LYST: variants seen among roughly 807,000 people sequenced by gnomAD.
LYST encodes lysosomal-trafficking regulator.
LYST carries 192 observed loss-of-function variants against 413.6 expected under a neutral mutation model. The observed-to-expected ratio is 0.46, with a 90% CI of 0.41 to 0.52. The LOEUF is 0.52. LYST is among the 20% of genes least tolerant of loss of function. The pLI is 0.00. For synonymous variants in LYST, 1,525 were observed against 1,567.3 expected, an observed-to-expected ratio of 0.97 and a Z score of 0.64; for missense variants, 3,815 against 4,499.9, an observed-to-expected ratio of 0.85 and a Z score of 4.35.
At chr1:235,677,042 G>T in intron 50 of LYST, 49 bp downstream of exon 50, 2 of 1,345,574 alleles carry the variant, frequency 1.5e-6, no homozygotes, top group Non-Finnish European at 2.1e-6. Context: ...GGCCGAATGC[G>T]CTGTTAGAGC....
chr1:235,769,955 G>T (rs1209592152), intron 20 of LYST, among the ~76,000 whole-genome samples: 1 of 151,678 alleles, frequency 6.6e-6, no homozygotes, highest in Non-Finnish European at 1.5e-5. Flanking sequence ...ATTGAGTTAG[G>T]AATTATGACA....
rs1350572950 is a variant in LYST, at chr1:235,817,730, A to C, written c.193-4669T>G. Among the ~76,000 whole-genome samples, 9 of 152,240 alleles carry C rather than the reference A, an allele frequency of 5.9e-5. No homozygotes were observed. In the East Asian group the frequency reaches 1.5e-3, roughly 26 times the overall value. On this transcript the variant is annotated intron_variant, in intron 3 of 52. Transcript: ENST00000389793. ...CTCTTTCAGGATGGAGGGTGGGAGA[A>C]GGGTGAGGATCAAAAAACTATCGAT... is the stretch of plus-strand genomic sequence containing the variant.
rs543035275 is a variant in LYST at position 235,842,043 on chromosome 1, C to T, written c.-97-8376G>A. Among the ~76,000 whole-genome samples the T allele has an allele frequency of 3.3e-5, 5 of 152,164 alleles. No individual in the cohort carries two copies. In the South Asian group the frequency reaches 8.3e-4, roughly 25 times the overall value. ...TGGATTTTTTCAGCTATTTCAGATT[C>T]ACCAGCAGGATTCAGCTGCTTGGGT... On this transcript the variant is annotated intron_variant, in intron 1 of 52. Coordinates refer to ENST00000389793, the MANE Select transcript of LYST (RefSeq NM_000081.4).
At chr1:235,803,293 G>A (rs1310510656) in intron 7 of LYST, among the ~76,000 whole-genome samples, 1 of 151,898 alleles carries the variant, frequency 6.6e-6, no homozygotes, top group Non-Finnish European at 1.5e-5. Context: ...TAAGTTATAG[G>A]TCATTTCAGT....
rs1292363059 is a variant in LYST at position 235,757,438 on chromosome 1, A to G, written c.6902T>C (p.Val2301Ala). Reference sequence around the variant, plus strand: ...TTCATATAATCCACAGCATATAGGTACCAAACAGTCTTCAGTTACACTAAA... The same window carrying G: ...TTCATATAATCCACAGCATATAGGTGCCAAACAGTCTTCAGTTACACTAAA... The part of the protein sequence containing the change: ...SAHSVTEDCL[V>A]PICCGLYELL... The change falls in exon 24 of 53, where the codon GTA becomes GCA. Residue 2301 changes from valine to alanine, a missense_variant. Physicochemically the swap from Val to Ala is moderately conservative, Grantham distance 64. This residue lies in a region of LYST where 771 missense variants were observed against 837.1 expected (regional missense o/e 0.92). Transcript: ENST00000389793. 66 of 1,613,614 alleles carry G rather than the reference A, an allele frequency of 4.1e-5. No homozygotes were observed. Among genetic ancestry groups the G allele is most frequent in the Non-Finnish European group, 5.5e-5 (65 of 1,179,644 alleles).
intron 43 of LYST, among the ~76,000 whole-genome samples, chr1:235,711,344 T>C (rs978046834): frequency 4.6e-5 from 7 of 152,200 alleles, no homozygotes; most frequent in Non-Finnish European, 8.8e-5. Context: ...CAGGGTGGCA[T>C]GAATCTACTG....
Position 235,796,764 on chromosome 1 carries a change from T to C in LYST, c.4007-3152A>G, listed in dbSNP as rs1572286675. On this transcript the variant is annotated intron_variant, in intron 10 of 52. Transcript: ENST00000389793. ...TTGCCAGATGCTGGCACTTTGATCT[T>C]GGACTTTCAGTCTCCAGAACTGTGA... Among the ~76,000 whole-genome samples, 4 of 152,352 alleles carry C rather than the reference T, an allele frequency of 2.6e-5. No homozygotes were observed. The Middle Eastern group carries it at 0.01, about 389-fold the overall frequency.
intron 14 of LYST, among the ~76,000 whole-genome samples, chr1:235,785,777 C>CT (rs1221805582): frequency 1.3e-5 from 2 of 152,222 alleles, no homozygotes; most frequent in Non-Finnish European, 2.9e-5. Context: ...TTCGAATTCT[C>CT]TATCTTCTTT....
intron 3 of LYST, among the ~76,000 whole-genome samples, chr1:235,818,782 G>A (rs1674440335): frequency 6.6e-6 from 1 of 152,130 alleles, no homozygotes; most frequent in Admixed American, 6.5e-5. Flanking sequence ...CTACGGACAC[G>A]CTGTACTGAT....
In LYST at chr1:235,774,949, G is replaced by C. The variant is rs779239748; in HGVS notation, c.5598C>G (p.Ile1866Met). 98 of 1,609,974 alleles carry C rather than the reference G, an allele frequency of 6.1e-5. No homozygotes were observed. Among genetic ancestry groups the C allele is most frequent in the Admixed American group, 2.8e-4 (17 of 59,840 alleles). The part of the protein sequence containing the change: ...NGLSMIHQVL[I>M]KQKCIVGFYI... ...AAAACCCAACAATGCATTTTTGTTTGATCAACACCTGATGAATCATAGAAA... is the reference window on the plus strand; with the variant it reads ...AAAACCCAACAATGCATTTTTGTTTCATCAACACCTGATGAATCATAGAAA... Residue 1866 changes from isoleucine (I) to methionine (M), a missense_variant, in exon 18 of 53, where the codon ATC becomes ATG. This residue lies in a region of LYST where 530 missense variants were observed against 696.5 expected (regional missense o/e 0.76). Transcript: ENST00000389793.
chr1:235,879,010 T>A (rs1273283789), intron 1 of LYST, among the ~76,000 whole-genome samples: 1 of 152,046 alleles, frequency 6.6e-6, no homozygotes, highest in Non-Finnish European at 1.5e-5. Flanking sequence ...ACCCAACAGG[T>A]AACACATTTT....
Position 235,741,413 on chromosome 1 carries a change from G to A in LYST, c.8358+9C>T. The A allele has an allele frequency of 6.2e-7, 1 of 1,603,972 alleles. No homozygotes were observed. The highest frequency in any genetic ancestry group is 8.5e-7 in the Non-Finnish European group (1 of 1,170,870). On this transcript the variant is annotated intron_variant, in intron 31 of 52. Transcript: ENST00000389793. ...GTTTTACTTCTCTTATCAAAGCTGA[G>A]ATACTTACTTGTAGGGATGGGCTGA...
intron 46 of LYST, among the ~76,000 whole-genome samples, chr1:235,694,635 AT>A (rs751818373): frequency 6.6e-6 from 1 of 152,196 alleles, no homozygotes; most frequent in East Asian, 1.9e-4. Context: ...GCTGAGTAAA[AT>A]AAGAAATGTT....
chr1:235,716,794 A>C lies in LYST; in HGVS notation c.9561-16T>G. 6.9e-7 allele frequency: 1 copy of C among 1,449,236 alleles called. No individual in the cohort carries two copies. 89.8% of individuals were successfully genotyped at this position (1,449,236 alleles called of 1,614,324 possible). A position where few individuals can be genotyped will look rare whatever the true frequency, so the allele number is the denominator to read the frequency against. ...AGAGAGATTTCTGCAAGAAAAGGAC[A>C]ATTTTAAAAATTAAATATTTTGATA... On this transcript the variant is annotated splice_polypyrimidine_tract_variant and intron_variant, in intron 40 of 52. Transcript: ENST00000389793.
intron 28 of LYST, among the ~76,000 whole-genome samples, chr1:235,749,681 C>T (rs9803629): frequency 0.027 from 4,137 of 152,074 alleles, 169 homozygotes; most frequent in African/African-American, 0.094. Flanking sequence ...GTGAAAAAGA[C>T]AAGTCCAAGT....
rs71174456 is a variant in LYST at position 235,730,609 on chromosome 1, GTGTGTA to G, written c.9044+232_9044+237del. ...TGTGTGTGTGTGTGTGTGTGTGTGT[GTGTGTA>G]TATGTAAACTAACAAGGGCCAGAAC... is the stretch of plus-strand genomic sequence containing the variant. On this transcript the variant is annotated intron_variant, in intron 36 of 52. Coordinates refer to ENST00000389793, the MANE Select transcript of LYST (RefSeq NM_000081.4). 0.13 allele frequency among the ~76,000 whole-genome samples: 11,670 copies of G among 92,268 alleles called. 632 individuals are homozygous for G. Among genetic ancestry groups the G allele is most frequent in the Middle Eastern group, 0.21 (37 of 174 alleles). 60.5% of individuals were successfully genotyped at this position (92,268 alleles called of 152,430 possible).
rs557364827 is a variant in LYST, at chr1:235,754,233, T to C, written c.7230-959A>G. ...TATCTTTTTTTCTTTTCTTTTCTTT[T>C]TTTTTTTTTTTTTTTTGAGATGGAG... On this transcript the variant is annotated intron_variant, in intron 25 of 52. Transcript: ENST00000389793. Among the ~76,000 whole-genome samples the C allele has an allele frequency of 6.3e-5, 9 of 142,502 alleles. No individual in the cohort carries two copies. In the South Asian group the frequency reaches 1.4e-3, roughly 22 times the overall value. The allele number at this position is 142,502 out of a possible 152,430, so 93.5% of individuals were successfully genotyped here.
At chr1:235,839,017 G>T (rs1676893196) in intron 1 of LYST, among the ~76,000 whole-genome samples, 1 of 151,834 alleles carries the variant, frequency 6.6e-6, no homozygotes, top group Admixed American at 6.6e-5. Flanking sequence ...TAGAGACAGG[G>T]TCTCACCATG....
chr1:235,670,121 C>G (rs867057467), intron 50 of LYST, among the ~76,000 whole-genome samples: 21 of 152,278 alleles, frequency 1.4e-4, no homozygotes, highest in South Asian at 4.1e-4. Context: ...CATGCCCAGA[C>G]TTGTTCTGTA....
Sources: gnomAD v4.1 joint callset for allele counts (sites outside exome capture counted in the v4.1 genomes callset) on GRCh38, gnomAD v4.1.1 for gene constraint, gnomAD v4.1.1 regional missense constraint, MANE v1.5 for transcripts, NCBI Gene and HGNC (gene_info 2026-07-23, HGNC 2026-07-21) for gene names.